NUDCD1: variants seen among roughly 807,000 people sequenced by gnomAD.
The protein encoded by NUDCD1 is NudC domain containing 1.
A neutral mutation model predicts 67.8 loss-of-function variants in NUDCD1; 60 were observed. The observed-to-expected ratio is 0.88, with a 90% CI of 0.72 to 1.10. The LOEUF is 1.10. Ranked by LOEUF, NUDCD1 falls within the 50% of genes least tolerant of loss-of-function variation. NUDCD1 has a pLI of 0.00. For synonymous variants in NUDCD1, 244 were observed against 230.8 expected (o/e 1.06, Z -0.52); for missense variants, 643 against 695.0 (o/e 0.93, Z 0.84).
chr8:109,256,741 C>T (rs1442805141), intron 8 of NUDCD1, among the ~76,000 whole-genome samples: 1 of 151,724 alleles, frequency 6.6e-6, no homozygotes, highest in Non-Finnish European at 1.5e-5. Context: ...AAAATGACAC[C>T]AAGTTCCTCT....
In NUDCD1 at chr8:109,319,264, C is replaced by T. The variant is rs535871417; in HGVS notation, c.273+3045G>A. 7.9e-5 allele frequency among the ~76,000 whole-genome samples: 12 copies of T among 152,266 alleles called. No homozygotes were observed. In the South Asian group the frequency reaches 1.2e-3, roughly 16 times the overall value. ...CTGGGATTACAGGCGTGAGCCACCG[C>T]GCTCGGCCCATTTTATGTTTTTGTA... On this transcript the variant is annotated intron_variant, in intron 2 of 9. Transcript: ENST00000239690.
intron 2 of NUDCD1, among the ~76,000 whole-genome samples, chr8:109,308,971 CA>C (rs34837773): frequency 0.61 from 70,758 of 116,146 alleles, 18,889 homozygotes; most frequent in South Asian, 0.68. Flanking sequence ...GAGTCCATCT[CA>C]AAAAAAAAAA....
chr8:109,270,661 C>T (rs995312205), intron 8 of NUDCD1, among the ~76,000 whole-genome samples: 10 of 151,568 alleles, frequency 6.6e-5, no homozygotes, highest in Admixed American at 2.6e-4. Context: ...TAGCATAATC[C>T]AACCATTAAA....
chr8:109,312,298 C>CAAAAAAA (rs5893951), intron 2 of NUDCD1, among the ~76,000 whole-genome samples: 2 of 82,608 alleles, frequency 2.4e-5, no homozygotes, highest in African/African-American at 4.7e-5. Context: ...GAGACACTGT[C>CAAAAAAA]AAAAAAAAAA....
At chr8:109,322,664 T>C (rs1331975469) in intron 1 of NUDCD1, among the ~76,000 whole-genome samples, 1 of 152,056 alleles carries the variant, frequency 6.6e-6, no homozygotes, top group African/African-American at 2.4e-5. Flanking sequence ...ACTGATATGG[T>C]CCCACGTCCT....
In NUDCD1 at chr8:109,245,408, C is replaced by T. The variant is rs765083084; in HGVS notation, c.1373G>A (p.Arg458His). The stretch of plus-strand genomic sequence containing the variant: ...CCAGAGTAGGGCATCAACATCATGG[C>T]GCAAACAGAAGCAGGGCATTTCTTT... ...DPKEMPCFCLRHDVDALLWQP... is the reference protein window; with the variant it reads ...DPKEMPCFCLHHDVDALLWQP... The change falls in exon 9 of 10, where the codon CGC (arginine) becomes CAC (histidine). Residue 458 changes from arginine to histidine, a missense_variant. By Grantham distance (29) the Arg-to-His change is conservative. Transcript: ENST00000239690. 6.8e-6 allele frequency: 11 copies of T among 1,613,556 alleles called. No homozygotes were observed. Among genetic ancestry groups the T allele is most frequent in the East Asian group, 4.5e-5 (2 of 44,860 alleles).
rs545710155 is a variant in NUDCD1 at position 109,281,345 on chromosome 8, C to T, written c.824-173G>A. The stretch of plus-strand genomic sequence containing the variant: ...GGAATTTTCACTCAAAGATTTGCAG[C>T]AATTAACATGAAATTTTCCTCTTCC... On this transcript the variant is annotated intron_variant, in intron 5 of 9. Coordinates refer to ENST00000239690, the MANE Select transcript of NUDCD1 (RefSeq NM_032869.4). Among the ~76,000 whole-genome samples, 8 of 152,272 alleles carry T rather than the reference C, an allele frequency of 5.3e-5. No individual in the cohort carries two copies. In the South Asian group the frequency reaches 1.7e-3, roughly 32 times the overall value.
chr8:109,300,704 A>G (rs983552430), intron 2 of NUDCD1, among the ~76,000 whole-genome samples: 5 of 152,348 alleles, frequency 3.3e-5, no homozygotes, highest in Non-Finnish European at 7.3e-5. Context: ...AAACTTCCCC[A>G]GCCTTGCTAG....
At position 109,311,559 on chromosome 8, in the gene NUDCD1, G is replaced by GTATATA. The variant is rs1554617136; in HGVS notation, c.273+10744_273+10749dup. ...AATGAGTGGATAAAGAAACTGTGGT[G>GTATATA]TATATATATATATGATGGGATACTG... On this transcript the variant is annotated intron_variant, in intron 2 of 9. Coordinates refer to ENST00000239690, the MANE Select transcript of NUDCD1 (RefSeq NM_032869.4). 2.4e-4 allele frequency among the ~76,000 whole-genome samples: 30 copies of GTATATA among 125,152 alleles called. 7 individuals are homozygous for GTATATA. Among genetic ancestry groups the GTATATA allele is most frequent in the African/African-American group, 8.4e-4 (24 of 28,740 alleles). 82.1% of individuals were successfully genotyped at this position (125,152 alleles called of 152,430 possible). A position where few individuals can be genotyped will look rare whatever the true frequency, so the allele number is the denominator to read the frequency against.
intron 8 of NUDCD1, among the ~76,000 whole-genome samples, chr8:109,246,406 G>T (rs1813497389): frequency 6.6e-6 from 1 of 152,110 alleles, no homozygotes; most frequent in South Asian, 2.1e-4. Context: ...TGAGTAACTT[G>T]TTCTAGGCTA....
At chr8:109,275,034 T>C (rs1814248120) in intron 7 of NUDCD1, among the ~76,000 whole-genome samples, 1 of 152,148 alleles carries the variant, frequency 6.6e-6, no homozygotes, top group African/African-American at 2.4e-5. Context: ...AACATAATTT[T>C]TGTCCTACCA....
chr8:109,290,834 T>C lies in NUDCD1; in HGVS notation c.641-901A>G, dbSNP rs145744617. Among the ~76,000 whole-genome samples, 271 of 152,310 alleles carry C rather than the reference T, an allele frequency of 1.8e-3. 1 individual carries two copies. The highest frequency in any genetic ancestry group is 6.3e-3 in the African/African-American group (260 of 41,572). On this transcript the variant is annotated intron_variant, in intron 4 of 9. Coordinates refer to ENST00000239690, the MANE Select transcript of NUDCD1 (RefSeq NM_032869.4). ...AAATCACAACTTAATGTCATATTAT[T>C]ATGAGTTTTTACATAATAATACCAT...
rs188940782 is a variant in NUDCD1, at chr8:109,311,981, G to C, written c.273+10328C>G. ...AAAAAATTAAAAAATGTTAAATGGG[G>C]AAAATATTTGAACGGGACAACTATA... On this transcript the variant is annotated intron_variant, in intron 2 of 9. Transcript: ENST00000239690. Among the ~76,000 whole-genome samples, 299 of 152,000 alleles carry C rather than the reference G, an allele frequency of 2.0e-3. 4 individuals carry two copies. Among genetic ancestry groups the C allele is most frequent in the Non-Finnish European group, 6.5e-4 (44 of 67,946 alleles).
At chr8:109,290,031 TTGAA>T in intron 4 of NUDCD1, 98 bp from the exon 5 acceptor site, 2 of 563,618 alleles carry the variant, frequency 3.5e-6, no homozygotes, top group Admixed American at 3.9e-5. Flanking sequence ...ATTAAATAAT[TTGAA>T]TGTATTATTA....
intron 8 of NUDCD1, among the ~76,000 whole-genome samples, chr8:109,270,089 A>G (rs62512102): frequency 0.61 from 3,801 of 6,206 alleles, 742 homozygotes; most frequent in Non-Finnish European, 0.63. Context: ...GGGGTGCCTT[A>G]AGGTGGGGTG....
intron 8 of NUDCD1, among the ~76,000 whole-genome samples, chr8:109,249,793 G>A (rs2980596): frequency 0.53 from 80,142 of 151,050 alleles, 22,651 homozygotes; most frequent in African/African-American, 0.73. Context: ...TATAATTTAC[G>A]GAGAGACATA....
intron 8 of NUDCD1, among the ~76,000 whole-genome samples, chr8:109,265,922 G>C (rs774818477): frequency 9.9e-5 from 15 of 151,938 alleles, no homozygotes; most frequent in Non-Finnish European, 1.6e-4. Flanking sequence ...GTGGCCCAGG[G>C]GATTGGGGAC....
At chr8:109,270,090 A>AGGGGGGGGGGGGGGGGGGGGGGGG (rs1563665962) in intron 8 of NUDCD1, among the ~76,000 whole-genome samples, 1 of 7,612 alleles carries the variant, frequency 1.3e-4, no homozygotes, top group African/African-American at 5.6e-4. Context: ...GGGTGCCTTA[A>AGGGGGGGGGGGGGGGGGGGGGGGG]GGTGGGGTGT....
chr8:109,277,865 G>A (rs555413771), intron 6 of NUDCD1, among the ~76,000 whole-genome samples: 1 of 152,104 alleles, frequency 6.6e-6, no homozygotes, highest in South Asian at 2.1e-4. Flanking sequence ...GGAGTATGTG[G>A]AGATACAAAA....
Sources: gnomAD v4.1 joint callset for allele counts (sites outside exome capture counted in the v4.1 genomes callset) on GRCh38, gnomAD v4.1.1 for gene constraint, MANE v1.5 for transcripts, NCBI Gene and HGNC (gene_info 2026-07-23, HGNC 2026-07-21) for gene names.